The following EDN1 variants were observed in gnomAD, a reference collection of about 807,000 sequenced individuals.
EDN1 encodes endothelin-1.
EDN1 carries 11 observed loss-of-function variants against 21.7 expected under a neutral mutation model. The ratio of observed to expected loss-of-function variants is 0.51; its 90% CI spans 0.32 to 0.84. The LOEUF (loss-of-function observed/expected upper bound fraction) is 0.84. EDN1 is among the 40% of genes least tolerant of loss of function. The pLI is 0.03. For missense variants in EDN1, 244 were observed against 262.3 expected (o/e 0.93, Z 0.48); for synonymous variants, 85 against 90.6 (o/e 0.94, Z 0.35).
chr6:12,294,569 A>G (rs1339165346), intron 4 of EDN1, among the ~76,000 whole-genome samples, 165 bp downstream of exon 4: 2 of 152,230 alleles, frequency 1.3e-5, no homozygotes, highest in Non-Finnish European at 2.9e-5. Flanking sequence ...AAAAGGAGCA[A>G]AAGAATCCCT....
intron 3 of EDN1, 42 bp from the exon 4 acceptor site, chr6:12,294,219 A>C (rs555033554): frequency 1.2e-6 from 2 of 1,613,864 alleles, no homozygotes; most frequent in African/African-American, 2.7e-5. Context: ...GTAAAGCTGA[A>C]TATAACATTG....
At chr6:12,241,109 G>A in the EDN1 span, among the ~76,000 whole-genome samples, 3 of 151,632 alleles carry the variant, frequency 2.0e-5, no homozygotes, top group African/African-American at 4.8e-5. Flanking sequence ...GCTCTTGGAA[G>A]ACATTTACAC....
At chr6:12,292,193 AG>A in intron 1 of EDN1, 147 bp from the exon 2 acceptor site, 1 of 1,128,986 alleles carries the variant, frequency 8.9e-7, no homozygotes, top group East Asian at 2.4e-5. Context: ...AAAAATAAAG[AG>A]CCCTTTTTTC....
At chr6:12,289,946 CAATT>C (rs535257619), upstream of EDN1, among the ~76,000 whole-genome samples, 17 of 152,194 alleles carry the variant, frequency 1.1e-4, no homozygotes, top group East Asian at 3.3e-3. Flanking sequence ...AAGCGAGCAA[CAATT>C]AAAAAAAATT....
At chr6:12,243,923 T>C in the EDN1 span, among the ~76,000 whole-genome samples, 4 of 152,164 alleles carry the variant, frequency 2.6e-5, no homozygotes, top group African/African-American at 9.7e-5. Context: ...ATTGAGAAAG[T>C]ATTTAGTTAC....
chr6:12,263,037 T>C, the EDN1 span, among the ~76,000 whole-genome samples: 1 of 152,288 alleles, frequency 6.6e-6, no homozygotes, highest in Admixed American at 6.5e-5. Flanking sequence ...AAGGAGTCAA[T>C]GTGCACATTT....
At chr6:12,262,912 T>C in the EDN1 span, among the ~76,000 whole-genome samples, 1 of 151,130 alleles carries the variant, frequency 6.6e-6, no homozygotes, top group Non-Finnish European at 1.5e-5. Context: ...CACTTGACAG[T>C]GTTTTACTCT....
the EDN1 span, among the ~76,000 whole-genome samples, chr6:12,239,133 A>G: frequency 3.3e-5 from 5 of 152,114 alleles, no homozygotes; most frequent in African/African-American, 1.2e-4. Flanking sequence ...TTCTGTGACA[A>G]TTCTGGGCCC....
At chr6:12,258,633 C>T in the EDN1 span, among the ~76,000 whole-genome samples, 2 of 152,102 alleles carry the variant, frequency 1.3e-5, no homozygotes, top group African/African-American at 2.4e-5. Context: ...CTCCTTTCAA[C>T]GTGTGTGAAC....
Position 12,296,176 on chromosome 6 carries a change from C to G in EDN1, c.*109C>G. 1 of 995,536 alleles carries G rather than the reference C, an allele frequency of 1.0e-6. No individual in the cohort carries two copies. The highest frequency in any genetic ancestry group is 1.6e-6 in the Non-Finnish European group (1 of 622,894). The allele number at this position is 995,536 out of a possible 1,614,324, so 61.7% of individuals were successfully genotyped here. On this transcript the variant is annotated 3_prime_UTR_variant, in exon 5 of 5. Transcript: ENST00000379375. ...AGAGCAGGAGCATCCTCTGCTGGTTCCTGACTGGCAAAGGACCAGCGTCCT... is the reference window on the plus strand; with the variant it reads ...AGAGCAGGAGCATCCTCTGCTGGTTGCTGACTGGCAAAGGACCAGCGTCCT...
the EDN1 span, among the ~76,000 whole-genome samples, chr6:12,264,043 C>A: frequency 6.6e-6 from 1 of 152,166 alleles, no homozygotes; most frequent in South Asian, 2.1e-4. Context: ...CTGTAATACT[C>A]AAGGAGTTTT....
chr6:12,280,618 G>A, the EDN1 span, among the ~76,000 whole-genome samples: 1 of 152,096 alleles, frequency 6.6e-6, no homozygotes, highest in Admixed American at 6.6e-5. Flanking sequence ...TCCCTGGCTG[G>A]GTGCAGTGAT....
At chr6:12,244,289 T>A in the EDN1 span, among the ~76,000 whole-genome samples, 1 of 152,240 alleles carries the variant, frequency 6.6e-6, no homozygotes, top group Non-Finnish European at 1.5e-5. Context: ...ATCAATCATT[T>A]GGAAAATATT....
At chr6:12,278,918 A>G in the EDN1 span, among the ~76,000 whole-genome samples, 1 of 152,116 alleles carries the variant, frequency 6.6e-6, no homozygotes, top group African/African-American at 2.4e-5. Context: ...AAACAAACAA[A>G]AAAAGCCTAT....
At chr6:12,245,442 A>G in the EDN1 span, among the ~76,000 whole-genome samples, 45,801 of 152,168 alleles carry the variant, frequency 0.3, 8,469 homozygotes, top group South Asian at 0.48. Context: ...GAATATTCCA[A>G]TGAGCCCAGT....
At chr6:12,287,708 TCTCTCACACA>T (rs1272239117), upstream of EDN1, among the ~76,000 whole-genome samples, 39 of 76,162 alleles carry the variant, frequency 5.1e-4, no homozygotes, top group South Asian at 1.8e-3. Context: ...TCTCTCTCTC[TCTCTCACACA>T]CACACACACA....
At chr6:12,295,270 A>G (rs1626492) in intron 4 of EDN1, among the ~76,000 whole-genome samples, 97,771 of 151,998 alleles carry the variant, frequency 0.64, 33,770 homozygotes, top group East Asian at 0.96. Context: ...CTTCTGAGTT[A>G]TTTACTACTG....
chr6:12,294,384 G>A lies in EDN1; in HGVS notation c.513G>A (p.Glu171=). ...VRGRKIRRSS[E]EHLRQTRSET... ...GAAGAAAAATCAGAAGAAGTTCAGA[G>A]GAACACCTAAGACAAACCAGGTAAG... The change falls in exon 4 of 5, where the codon GAG becomes GAA. Residue 171 remains glutamate, a synonymous_variant. Coordinates refer to ENST00000379375, the MANE Select transcript of EDN1 (RefSeq NM_001955.5). 6.2e-7 allele frequency: 1 copy of A among 1,614,122 alleles called. No homozygotes were observed. The highest frequency in any genetic ancestry group is 2.2e-5 in the East Asian group (1 of 44,876).
chr6:12,257,641 A>T, the EDN1 span, among the ~76,000 whole-genome samples: 1 of 151,362 alleles, frequency 6.6e-6, no homozygotes, highest in Non-Finnish European at 1.5e-5. Flanking sequence ...CATAGTTTCC[A>T]GTTGTGTTTG....
Sources: allele counts gnomAD v4.1 joint callset (sites outside exome capture counted in the v4.1 genomes callset), GRCh38; gene constraint gnomAD v4.1.1; transcripts MANE v1.5; gene names NCBI Gene and HGNC (gene_info 2026-07-23, HGNC 2026-07-21).